The following UPK3B variants were observed in gnomAD, a reference collection of about 807,000 sequenced individuals.
UPK3B encodes the protein uroplakin 3B.
A neutral mutation model predicts 27.6 loss-of-function variants in UPK3B; 21 were observed. The observed-to-expected ratio is 0.76, with a 90% CI of 0.54 to 1.10. The LOEUF (loss-of-function observed/expected upper bound fraction) is 1.10. Ranked by LOEUF, UPK3B falls within the 50% of genes least tolerant of loss-of-function variation. The probability of loss-of-function intolerance (pLI) is 0.00; values close to 1 mark genes in which losing one functional copy is unlikely to be tolerated. For synonymous variants in UPK3B, 141 were observed against 162.3 expected (o/e 0.87, Z 1.00); for missense variants, 306 against 376.1 (o/e 0.81, Z 1.54).
Position 76,511,784 on chromosome 7 carries a change from G to A in UPK3B, c.363G>A (p.Ala121=), listed in dbSNP as rs763872555. 1.2e-5 allele frequency: 19 copies of A among 1,586,304 alleles called. No homozygotes were observed. Among genetic ancestry groups the A allele is most frequent in the South Asian group, 4.5e-5 (4 of 88,200 alleles). ...AGCTGCCCTGTGGCGACCCCATGGC[G>A]GGCAGCGGAGGCGCCCCCGTGCTGC... is the stretch of plus-strand genomic sequence containing the variant. ...PDQLPCGDPM[A]GSGGAPVLRV... is the part of the protein sequence containing the mutation. The change falls in exon 3 of 6, where the codon GCG becomes GCA. Residue 121 remains alanine, a synonymous_variant. Transcript: ENST00000334348.
intron 4 of UPK3B, 145 bp from the exon 5 acceptor site, chr7:76,513,802 G>A: frequency 8.4e-7 from 1 of 1,184,818 alleles, no homozygotes; most frequent in Admixed American, 2.1e-5. Flanking sequence ...GAGGGACGGG[G>A]GGTGGGATCA....
chr7:76,511,776 C>T lies in UPK3B; in HGVS notation c.355C>T (p.Pro119Ser), dbSNP rs775096337. The change falls in exon 3 of 6, where the codon CCC becomes TCC. Residue 119 changes from proline to serine, a missense_variant. Around this residue, in one of 4 missense-constraint regions of UPK3B, gnomAD observed 78 missense variants for 120.2 expected, o/e 0.65. Transcript: ENST00000334348. The stretch of plus-strand genomic sequence containing the variant: ...TCCGGACCAGCTGCCCTGTGGCGAC[C>T]CCATGGCGGGCAGCGGAGGCGCCCC... Reference protein sequence around the residue: ...LSPDQLPCGDPMAGSGGAPVL... With the variant: ...LSPDQLPCGDSMAGSGGAPVL... The T allele has an allele frequency of 4.2e-5, 67 of 1,600,240 alleles. 3 individuals carry two copies. Among genetic ancestry groups the T allele is most frequent in the Non-Finnish European group, 4.7e-5 (55 of 1,173,718 alleles).
chr7:76,513,829 T>C, intron 4 of UPK3B, 118 bp from the exon 5 acceptor site: 1 of 1,495,194 alleles, frequency 6.7e-7, no homozygotes, highest in Non-Finnish European at 9.1e-7. Flanking sequence ...CGCCTGGGGA[T>C]ATGAGACAGC....
chr7:76,513,463 G>A (rs539288626), intron 4 of UPK3B, among the ~76,000 whole-genome samples: 18 of 152,282 alleles, frequency 1.2e-4, no homozygotes, highest in African/African-American at 4.3e-4. Context: ...GGAAGAGGGT[G>A]TGGAGGAGGT....
rs1358799866 is a variant in UPK3B, at chr7:76,513,959, G to A, written c.554G>A (p.Gly185Glu). The change falls in exon 5 of 6, where the codon GGA becomes GAA. Residue 185 changes from glycine (G) to glutamate (E), a missense_variant. By Grantham distance (98) the Gly-to-Glu change is moderately conservative (BLOSUM62 -2). Around this residue, in one of 4 missense-constraint regions of UPK3B, gnomAD observed 174 missense variants for 166.6 expected, o/e 1.04. Coordinates refer to ENST00000334348, the MANE Select transcript of UPK3B (RefSeq NM_001347684.2). Reference sequence around the variant, plus strand: ...GGTGTGTGTGCAGGGAAGACCCCCGGATCCATCGACACCTGGCCAGGGCGG... The same window carrying A: ...GGTGTGTGTGCAGGGAAGACCCCCGAATCCATCGACACCTGGCCAGGGCGG... ...PITLHQGKTP[G>E]SIDTWPGRRS... is the part of the protein sequence containing the mutation. The A allele has an allele frequency of 2.5e-6, 4 of 1,613,762 alleles. No individual in the cohort carries two copies. Among genetic ancestry groups the A allele is most frequent in the South Asian group, 1.1e-5 (1 of 91,088 alleles).
chr7:76,514,053 C>T lies in UPK3B; in HGVS notation c.648C>T (p.Phe216=), dbSNP rs749044550. 4.3e-6 allele frequency: 7 copies of T among 1,614,058 alleles called. No homozygotes were observed. In the South Asian group the frequency reaches 7.7e-5, roughly 18 times the overall value. ...SSLAGLLLLA[F]LAASTMRFSS... is the part of the protein sequence containing the mutation. Reference sequence around the variant, plus strand: ...TGGCCGGCCTCCTACTCTTGGCCTTCTTGGCAGCCTCTACCATGCGCTTGT... The same window carrying T: ...TGGCCGGCCTCCTACTCTTGGCCTTTTTGGCAGCCTCTACCATGCGCTTGT... The change falls in exon 5 of 6, where the codon TTC becomes TTT. Residue 216 remains phenylalanine, a synonymous_variant. Coordinates refer to ENST00000334348, the MANE Select transcript of UPK3B (RefSeq NM_001347684.2).
At position 76,511,700 on chromosome 7, in the gene UPK3B, G is replaced by C. The variant is rs199603935; in HGVS notation, c.279G>C (p.Pro93=). 6.2e-7 allele frequency: 1 copy of C among 1,608,822 alleles called. No individual in the cohort carries two copies. Among genetic ancestry groups the C allele is most frequent in the Non-Finnish European group, 8.5e-7 (1 of 1,178,090 alleles). The change falls in exon 3 of 6, where the codon CCG becomes CCC. Residue 93 remains proline, a synonymous_variant. Transcript: ENST00000334348. ...FQNPETLADI[P]ASPQLLTDGH... Reference sequence around the variant, plus strand: ...ACCCGGAGACACTGGCTGACATTCCGGCCTCCCCACAGCTGCTGACCGATG... The same window carrying C: ...ACCCGGAGACACTGGCTGACATTCCCGCCTCCCCACAGCTGCTGACCGATG...
At chr7:76,512,388 C>T (rs1246766945) in intron 3 of UPK3B, among the ~76,000 whole-genome samples, 1 of 149,786 alleles carries the variant, frequency 6.7e-6, no homozygotes, top group Non-Finnish European at 1.5e-5. Context: ...GGGGTGACCT[C>T]AGGAAGACCA....
intron 3 of UPK3B, among the ~76,000 whole-genome samples, 195 bp from the exon 4 acceptor site, chr7:76,512,889 G>T (rs556768987): frequency 6.6e-6 from 1 of 152,282 alleles, no homozygotes; most frequent in East Asian, 1.9e-4. Flanking sequence ...AGGGGTGGTG[G>T]CACAGGCCAA....
Position 76,513,139 on chromosome 7 carries a change from T to C in UPK3B, c.517T>C (p.Ser173Pro). ...CTCACCCAGGGCTGAGACCAAGTGG[T>C]CAGACCCCATCACTCTCCACCAAGG... ...RGSPRAETKWSDPITLHQGKT... is the reference protein window; with the variant it reads ...RGSPRAETKWPDPITLHQGKT... The change falls in exon 4 of 6, where the codon TCA becomes CCA. Residue 173 changes from serine to proline, a missense_variant. Around this residue, in one of 4 missense-constraint regions of UPK3B, gnomAD observed 174 missense variants for 166.6 expected, o/e 1.04. Transcript: ENST00000334348. The C allele has an allele frequency of 6.2e-7, 1 of 1,613,682 alleles. No homozygotes were observed. Among genetic ancestry groups the C allele is most frequent in the Non-Finnish European group, 8.5e-7 (1 of 1,179,876 alleles).
Position 76,515,244 on chromosome 7 carries a change from G to A in UPK3B, c.*40G>A, listed in dbSNP as rs187226723. On this transcript the variant is annotated 3_prime_UTR_variant, in exon 6 of 6. Transcript: ENST00000334348. Reference sequence around the variant, plus strand: ...ATGGGGCTGGGGGAGATGGGGCGCTGGGAGTGAGTGCATGGTGCTTTGTCC... The same window carrying A: ...ATGGGGCTGGGGGAGATGGGGCGCTAGGAGTGAGTGCATGGTGCTTTGTCC... 855 of 1,571,988 alleles carry A rather than the reference G, an allele frequency of 5.4e-4. 6 individuals carry two copies. In the African/African-American group the frequency reaches 9.5e-3, roughly 17 times the overall value.
chr7:76,515,168 G>C lies in UPK3B; in HGVS notation c.795G>C (p.Lys265Asn). Residue 265 changes from lysine to asparagine, a missense_variant, in exon 6 of 6, where the codon AAG (lysine) becomes AAC (asparagine). By Grantham distance (94) the Lys-to-Asn change is moderately conservative. Around this residue, in one of 4 missense-constraint regions of UPK3B, gnomAD observed 174 missense variants for 166.6 expected, o/e 1.04. Transcript: ENST00000334348. ...REAATLPVGC[K>N]PGLDPLPSLS... ...CCGCCACACTGCCGGTGGGCTGCAA[G>C]CCTGGCCTGGACCCCCTCCCCAGCC... The C allele has an allele frequency of 2.5e-6, 4 of 1,594,104 alleles. No individual in the cohort carries two copies. The highest frequency in any genetic ancestry group is 3.4e-6 in the Non-Finnish European group (4 of 1,170,762).
In UPK3B at chr7:76,513,129, G is replaced by A. The variant is rs1812593559; in HGVS notation, c.507G>A (p.Glu169=). Residue 169 remains glutamate (E), a synonymous_variant, in exon 4 of 6, where the codon GAG becomes GAA. Coordinates refer to ENST00000334348, the MANE Select transcript of UPK3B (RefSeq NM_001347684.2). ...ACACCAGGGGCTCACCCAGGGCTGAGACCAAGTGGTCAGACCCCATCACTC... is the reference window on the plus strand; with the variant it reads ...ACACCAGGGGCTCACCCAGGGCTGAAACCAAGTGGTCAGACCCCATCACTC... ...LMDTRGSPRA[E]TKWSDPITLH... is the part of the protein sequence containing the mutation. The A allele has an allele frequency of 6.2e-7, 1 of 1,613,890 alleles. No homozygotes were observed. Among genetic ancestry groups the A allele is most frequent in the East Asian group, 2.2e-5 (1 of 44,866 alleles).
intron 3 of UPK3B, among the ~76,000 whole-genome samples, chr7:76,512,335 G>A (rs1403471297): frequency 6.6e-6 from 1 of 150,614 alleles, no homozygotes; most frequent in Non-Finnish European, 1.5e-5. Context: ...TGGGGAAGCA[G>A]GCAGTGTGTC....
At chr7:76,515,012 C>T (rs1812680302) in intron 5 of UPK3B, 33 bp from the exon 6 acceptor site, 4 of 1,549,492 alleles carry the variant, frequency 2.6e-6, no homozygotes, top group Non-Finnish European at 3.5e-6. Context: ...GTGGCAGGGA[C>T]ATATGTCTCT....
chr7:76,516,453 G>T lies in UPK3B; in HGVS notation c.*1249G>T. On this transcript the variant is annotated 3_prime_UTR_variant, in exon 6 of 6. Coordinates refer to ENST00000334348, the MANE Select transcript of UPK3B (RefSeq NM_001347684.2). ...CTCCCGGCATGCAGGCCCTGCCAGC[G>T]GAGGGAGCCCGGTGGTGACCCTTGG... 3.3e-6 allele frequency: 2 copies of T among 612,092 alleles called. 1 individual carries two copies. Among genetic ancestry groups the T allele is most frequent in the Non-Finnish European group, 3.8e-6 (2 of 530,004 alleles). The allele number at this position is 612,092 out of a possible 1,614,324, so 37.9% of individuals were successfully genotyped here.
At chr7:76,514,903 C>T (rs1218434729) in intron 5 of UPK3B, 142 bp from the exon 6 acceptor site, 4 of 1,000,108 alleles carry the variant, frequency 4.0e-6, no homozygotes, top group Non-Finnish European at 5.5e-6. Flanking sequence ...CAGACTCCAT[C>T]TCAAAAAAAA....
Position 76,510,720 on chromosome 7 carries a change from G to C in UPK3B, c.68G>C (p.Arg23Pro), listed in dbSNP as rs80286447. 2.0e-6 allele frequency: 3 copies of C among 1,519,464 alleles called. No individual in the cohort carries two copies. Among genetic ancestry groups the C allele is most frequent in the South Asian group, 1.3e-5 (1 of 76,236 alleles). 94.1% of individuals were successfully genotyped at this position (1,519,464 alleles called of 1,614,324 possible). Residue 23 changes from arginine (R) to proline (P), a missense_variant, in exon 1 of 6, where the codon CGG becomes CCG. Arg to Pro is a moderately radical substitution (Grantham distance 103). This residue lies in a region of UPK3B where 33 missense variants were observed against 30.9 expected (regional missense o/e 1.07). Transcript: ENST00000334348. Reference protein sequence around the residue: ...QMLLLALNCLRPSLSLELVPY... With the variant: ...QMLLLALNCLPPSLSLELVPY... ...CTCCTCCTGGCGTTGAACTGTCTCC[G>C]GCCCAGCCTGAGCCTGGGTGAGTGG... is the stretch of plus-strand genomic sequence containing the variant.
rs1812534975 is a variant in UPK3B at position 76,511,694 on chromosome 7, C to T, written c.273C>T (p.Asp91=). ...TCCAGAACCCGGAGACACTGGCTGACATTCCGGCCTCCCCACAGCTGCTGA... is the reference window on the plus strand; with the variant it reads ...TCCAGAACCCGGAGACACTGGCTGATATTCCGGCCTCCCCACAGCTGCTGA... ...RGFQNPETLA[D]IPASPQLLTD... The change falls in exon 3 of 6, where the codon GAC becomes GAT. Residue 91 remains aspartate (D), a synonymous_variant. Transcript: ENST00000334348. 5 of 1,607,610 alleles carry T rather than the reference C, an allele frequency of 3.1e-6. No individual in the cohort carries two copies. The East Asian group carries it at 1.1e-4, about 36-fold the overall frequency.
Sources: gnomAD v4.1 joint callset for allele counts (sites outside exome capture counted in the v4.1 genomes callset) on GRCh38, gnomAD v4.1.1 for gene constraint, gnomAD v4.1.1 regional missense constraint, MANE v1.5 for transcripts, NCBI Gene and HGNC (gene_info 2026-07-23, HGNC 2026-07-21) for gene names.